Variants in LMX1B observed in about 807,000 individuals in gnomAD.
LMX1B encodes LIM homeobox transcription factor 1 beta.
In LMX1B, 12 loss-of-function variants were observed where a neutral mutation model predicts 51.4. The observed-to-expected ratio is 0.23, with a 90% CI of 0.15 to 0.38. LMX1B has a LOEUF of 0.38. Among genes scored for constraint, LMX1B ranks in the 10% least tolerant of loss-of-function variants. LMX1B has a pLI of 1.00. For synonymous variants in LMX1B, 237 were observed against 235.4 expected (o/e 1.01, Z -0.06); for missense variants, 445 against 571.1 (o/e 0.78, Z 2.25).
At chr9:126,640,733 C>G (rs36111273) in intron 2 of LMX1B, 1 of 152,304 alleles carries the variant, frequency 6.6e-6, no homozygotes, top group South Asian at 2.1e-4. Flanking sequence ...TTTTTTCAGG[C>G]TGGACTGAGG....
At chr9:126,675,317 G>T (rs999071372) in intron 2 of LMX1B, among the ~76,000 whole-genome samples, 1 of 152,176 alleles carries the variant, frequency 6.6e-6, no homozygotes, top group Non-Finnish European at 1.5e-5. Context: ...GGAGGGGACC[G>T]ATGGCTAGGC....
At position 126,658,465 on chromosome 9, in the gene LMX1B, C is replaced by A. The variant is rs935790201; in HGVS notation, c.327-32371C>A. Among the ~76,000 whole-genome samples the A allele has an allele frequency of 2.6e-5, 4 of 152,114 alleles. No individual in the cohort carries two copies. The highest frequency in any genetic ancestry group is 9.7e-5 in the African/African-American group (4 of 41,412). On this transcript the variant is annotated intron_variant, in intron 2 of 7. Transcript: ENST00000373474. The surrounding 1 kb of genome is among the most constrained non-coding windows in gnomAD (Gnocchi z 4.0). Reference sequence around the variant, plus strand: ...AGCCCCCTCCCTCTGGTCCACATTCCCAGCTCCTGATTAGATTTGGGAAGG... The same window carrying A: ...AGCCCCCTCCCTCTGGTCCACATTCACAGCTCCTGATTAGATTTGGGAAGG...
At chr9:126,682,924 G>T (rs1348178295) in intron 2 of LMX1B, among the ~76,000 whole-genome samples, 73 of 145,478 alleles carry the variant, frequency 5.0e-4, no homozygotes, top group African/African-American at 1.8e-3. Context: ...AAGAAAGAAA[G>T]AAATATTTGT....
At chr9:126,686,878 C>T (rs1037022205) in intron 2 of LMX1B, among the ~76,000 whole-genome samples, 1 of 152,222 alleles carries the variant, frequency 6.6e-6, no homozygotes, top group Non-Finnish European at 1.5e-5. Context: ...CAGCTGATAA[C>T]TGAGCATTAT....
In LMX1B at chr9:126,658,665, G is replaced by A. The variant is rs577034633; in HGVS notation, c.327-32171G>A. Among the ~76,000 whole-genome samples the A allele has an allele frequency of 3.3e-5, 5 of 152,326 alleles. No individual in the cohort carries two copies. The highest frequency in any genetic ancestry group is 3.9e-4 in the East Asian group (2 of 5,188). ...CATAAATAGTTAGGGGAAGGCCCCC[G>A]AACGAGGCAGCTTTATAAATGGCTT... On this transcript the variant is annotated intron_variant, in intron 2 of 7. Transcript: ENST00000373474. The surrounding 1 kb of genome is among the most constrained non-coding windows in gnomAD (Gnocchi z 4.0).
At position 126,650,467 on chromosome 9, in the gene LMX1B, G is replaced by A. The variant is rs906905422; in HGVS notation, c.326+34898G>A. On this transcript the variant is annotated intron_variant, in intron 2 of 7. Coordinates refer to ENST00000373474, the MANE Select transcript of LMX1B (RefSeq NM_001174147.2). Reference sequence around the variant, plus strand: ...TGCTGATGTGGCCCTCCCTGGGGACGATAAAGGGGAGGCCAGCCCCATGGG... The same window carrying A: ...TGCTGATGTGGCCCTCCCTGGGGACAATAAAGGGGAGGCCAGCCCCATGGG... Among the ~76,000 whole-genome samples, 10 of 152,348 alleles carry A rather than the reference G, an allele frequency of 6.6e-5. 1 individual carries two copies. The Middle Eastern group carries it at 0.014, about 207-fold the overall frequency.
chr9:126,688,258 G>A (rs910230752), intron 2 of LMX1B, among the ~76,000 whole-genome samples: 1 of 152,236 alleles, frequency 6.6e-6, no homozygotes, highest in African/African-American at 2.4e-5. Flanking sequence ...CAAGGCATTA[G>A]CGCGGCTGTT....
At chr9:126,682,083 C>G (rs796597853) in intron 2 of LMX1B, among the ~76,000 whole-genome samples, 1 of 53,378 alleles carries the variant, frequency 1.9e-5, no homozygotes, top group Admixed American at 2.8e-4. Flanking sequence ...TCCCCAGGGT[C>G]TTTTTTTTTT....
intron 2 of LMX1B, among the ~76,000 whole-genome samples, chr9:126,654,915 C>T (rs910792966): frequency 2.0e-5 from 3 of 152,194 alleles, no homozygotes; most frequent in African/African-American, 7.2e-5. Flanking sequence ...ACCTGGGCTC[C>T]CAGCCCCCAG....
At chr9:126,660,087 G>GAAA (rs1836207645) in intron 2 of LMX1B, among the ~76,000 whole-genome samples, 5 of 83,460 alleles carry the variant, frequency 6.0e-5, no homozygotes, top group African/African-American at 1.3e-4. Flanking sequence ...GGCTTCAGAG[G>GAAA]TTGTCCTGTG....
In LMX1B at chr9:126,693,736, C is replaced by G. The variant is rs770868051; in HGVS notation, c.820-10C>G. The G allele has an allele frequency of 6.4e-7, 1 of 1,563,118 alleles. No individual in the cohort carries two copies. The highest frequency in any genetic ancestry group is 1.2e-5 in the South Asian group (1 of 85,788). On this transcript the variant is annotated splice_polypyrimidine_tract_variant and intron_variant, in intron 5 of 7. Transcript: ENST00000373474. ...GGGCAGCACCGGCCTGAACTGCGCT[C>G]TCCCTGCAGATGAAGAAGCTGGCGC...
chr9:126,689,488 G>A (rs904260180), intron 2 of LMX1B, among the ~76,000 whole-genome samples: 7 of 152,232 alleles, frequency 4.6e-5, no homozygotes, highest in African/African-American at 1.7e-4. Context: ...CGCCGGGAAT[G>A]AAAAATGGTT....
intron 2 of LMX1B, among the ~76,000 whole-genome samples, chr9:126,678,483 A>C (rs1836614613): frequency 6.6e-6 from 1 of 152,144 alleles, no homozygotes; most frequent in Non-Finnish European, 1.5e-5. Context: ...ACAACATATG[A>C]CACCCCCAAA....
chr9:126,696,030 G>GCCCCAGCACAGCCCCTGCC, intron 7 of LMX1B, 27 bp downstream of exon 7: 4 of 678,222 alleles, frequency 5.9e-6, no homozygotes, highest in Non-Finnish European at 7.2e-6. Flanking sequence ...CCACCCGCCC[G>GCCCCAGCACAGCCCCTGCC]CCCCAGCACA....
intron 2 of LMX1B, among the ~76,000 whole-genome samples, chr9:126,629,228 C>A (rs1311778922): frequency 6.6e-6 from 1 of 152,120 alleles, no homozygotes; most frequent in East Asian, 1.9e-4. Flanking sequence ...GGACCTAACA[C>A]TTCCCAAGTT....
chr9:126,626,702 C>T lies in LMX1B; in HGVS notation c.326+11133C>T, dbSNP rs1310487500. The stretch of plus-strand genomic sequence containing the variant: ...TGTTTGGAAAGGGGTGGGTGGGGGG[C>T]GTCGAGCGAGCGAGGGAAGGAGCAA... On this transcript the variant is annotated intron_variant, in intron 2 of 7. Coordinates refer to ENST00000373474, the MANE Select transcript of LMX1B (RefSeq NM_001174147.2). This position sits in a 1 kb window ranked among gnomAD's most constrained non-coding sequence, Gnocchi z 4.3. Among the ~76,000 whole-genome samples the T allele has an allele frequency of 6.6e-6, 1 of 152,056 alleles. No homozygotes were observed. Among genetic ancestry groups the T allele is most frequent in the African/African-American group, 2.4e-5 (1 of 41,406 alleles).
rs966354582 is a variant in LMX1B at position 126,625,699 on chromosome 9, C to T, written c.326+10130C>T. ...CGCCAGGCCCGTGGCGCCTTTCTCG[C>T]CACCTCCGCCGCCGCCGCCGCCACC... On this transcript the variant is annotated intron_variant, in intron 2 of 7. Coordinates refer to ENST00000373474, the MANE Select transcript of LMX1B (RefSeq NM_001174147.2). This position sits in a 1 kb window ranked among gnomAD's most constrained non-coding sequence, Gnocchi z 5.3. Among the ~76,000 whole-genome samples the T allele has an allele frequency of 1.1e-4, 16 of 152,194 alleles. No individual in the cohort carries two copies. The highest frequency in any genetic ancestry group is 4.6e-4 in the Admixed American group (7 of 15,288).
chr9:126,632,289 G>T (rs1045865924), intron 2 of LMX1B, among the ~76,000 whole-genome samples: 10 of 152,132 alleles, frequency 6.6e-5, no homozygotes, highest in African/African-American at 2.2e-4. Flanking sequence ...GCCAGCTTAC[G>T]CCAGGCAGGT....
Position 126,696,394 on chromosome 9 carries a change from C to A in LMX1B, c.1152C>A (p.Arg384=), listed in dbSNP as rs146476348. The A allele has an allele frequency of 3.7e-6, 6 of 1,614,008 alleles. No homozygotes were observed. Among genetic ancestry groups the A allele is most frequent in the Non-Finnish European group, 4.2e-6 (5 of 1,180,002 alleles). ...CAGACGTGGGCTCCCTGCAGGCCCG[C>A]GTGGGGAACCCCATCGACCGGCTCT... The part of the protein sequence containing the change: ...GSSDVGSLQA[R]VGNPIDRLYS... The change falls in exon 8 of 8, where the codon CGC becomes CGA. Residue 384 remains arginine (R), a synonymous_variant. Coordinates refer to ENST00000373474, the MANE Select transcript of LMX1B (RefSeq NM_001174147.2).
Sources: allele counts gnomAD v4.1 joint callset (sites outside exome capture counted in the v4.1 genomes callset), GRCh38; gene constraint gnomAD v4.1.1; non-coding constraint Gnocchi (gnomAD v3.1); transcripts MANE v1.5; gene names NCBI Gene and HGNC (gene_info 2026-07-23, HGNC 2026-07-21).